WDFY4: variants seen among roughly 807,000 people sequenced by gnomAD.
The protein encoded by WDFY4 is WD repeat- and FYVE domain-containing protein 4.
WDFY4 carries 169 observed loss-of-function variants against 351.9 expected under a neutral mutation model. That is an observed-to-expected ratio of 0.48 (90% CI 0.42 to 0.55). WDFY4 has a LOEUF of 0.55. Ranked by LOEUF, WDFY4 falls within the 20% of genes least tolerant of loss-of-function variation. The probability of loss-of-function intolerance (pLI) is 0.00; values close to 1 mark genes in which losing one functional copy is unlikely to be tolerated. For missense variants in WDFY4, 3,803 were observed against 3,935.6 expected (o/e 0.97, Z 0.90); for synonymous variants, 1,622 against 1,574.6 (o/e 1.03, Z -0.71).
At chr10:48,698,941 A>G (rs1392281964) in intron 1 of WDFY4, among the ~76,000 whole-genome samples, 1 of 152,214 alleles carries the variant, frequency 6.6e-6, no homozygotes, top group African/African-American at 2.4e-5. Flanking sequence ...GGTTGCCGTG[A>G]GTCCGAAATC....
intron 48 of WDFY4, among the ~76,000 whole-genome samples, chr10:48,942,742 A>G (rs1840844605): frequency 6.6e-6 from 1 of 152,198 alleles, no homozygotes; most frequent in South Asian, 2.1e-4. Context: ...GCTGTGTTGG[A>G]TTGCTCACTC....
At chr10:48,763,031 TG>T (rs2065558032) in intron 13 of WDFY4, among the ~76,000 whole-genome samples, 1 of 152,244 alleles carries the variant, frequency 6.6e-6, no homozygotes, top group Non-Finnish European at 1.5e-5. Context: ...TAAAAACATT[TG>T]ACCCCTAAAT....
chr10:48,945,921 G>C (rs2133778124), intron 49 of WDFY4, 119 bp from the exon 50 acceptor site: 1 of 634,266 alleles, frequency 1.6e-6, no homozygotes, highest in Non-Finnish European at 2.6e-6. Context: ...CTAACCACCA[G>C]AGGCAGGTCA....
At chr10:48,747,843 A>G (rs910413948) in intron 12 of WDFY4, among the ~76,000 whole-genome samples, 6 of 152,090 alleles carry the variant, frequency 3.9e-5, no homozygotes, top group African/African-American at 1.4e-4. Flanking sequence ...GGTCCCTTGT[A>G]TGATGTCTGA....
At chr10:48,756,207 G>T (rs147032478) in intron 12 of WDFY4, among the ~76,000 whole-genome samples, 2 of 151,976 alleles carry the variant, frequency 1.3e-5, no homozygotes, top group Admixed American at 6.6e-5. Flanking sequence ...TTTCATCAAA[G>T]TCTGTCATAT....
At chr10:48,816,999 T>C (rs966069262) in intron 31 of WDFY4, among the ~76,000 whole-genome samples, 1 of 152,178 alleles carries the variant, frequency 6.6e-6, no homozygotes, top group African/African-American at 2.4e-5. Context: ...GGGGTAAACA[T>C]AGAACCTACT....
At chr10:48,961,758 T>C (rs1002176749) in intron 53 of WDFY4, among the ~76,000 whole-genome samples, 1 of 152,160 alleles carries the variant, frequency 6.6e-6, no homozygotes, top group African/African-American at 2.4e-5. Flanking sequence ...GAGAAGTTGT[T>C]GGAAGACAGC....
chr10:48,866,831 A>C (rs535467563), intron 39 of WDFY4, among the ~76,000 whole-genome samples: 1 of 152,342 alleles, frequency 6.6e-6, no homozygotes, highest in African/African-American at 2.4e-5. Context: ...TTTGACCAAC[A>C]AATTCTGTAA....
chr10:48,761,342 A>G (rs569343715), intron 13 of WDFY4, among the ~76,000 whole-genome samples: 2 of 152,292 alleles, frequency 1.3e-5, no homozygotes, highest in Admixed American at 1.3e-4. Context: ...TTTTGCGTGA[A>G]AAACATTACA....
At chr10:48,886,605 T>G (rs2070465934) in intron 43 of WDFY4, among the ~76,000 whole-genome samples, 1 of 152,204 alleles carries the variant, frequency 6.6e-6, no homozygotes, top group South Asian at 2.1e-4. Context: ...TGACCCTCAC[T>G]AGATGCCAGT....
chr10:48,798,895 G>T (rs895818156), intron 24 of WDFY4, among the ~76,000 whole-genome samples: 7 of 152,222 alleles, frequency 4.6e-5, no homozygotes, highest in African/African-American at 1.7e-4. Context: ...ATCTGAAGCT[G>T]GAAAAGAGGA....
intron 1 of WDFY4, among the ~76,000 whole-genome samples, chr10:48,705,228 G>T (rs2063594877): frequency 6.6e-6 from 1 of 152,208 alleles, no homozygotes; most frequent in Admixed American, 6.5e-5. Context: ...GGAAGCACAG[G>T]TTTGGATCCT....
chr10:48,789,692 C>A (rs2066613564), intron 21 of WDFY4, among the ~76,000 whole-genome samples, 182 bp from the exon 22 acceptor site: 2 of 152,228 alleles, frequency 1.3e-5, no homozygotes, highest in African/African-American at 4.8e-5. Context: ...AGACAGAATG[C>A]ATGAGCCTGA....
chr10:48,916,417 C>A (rs902522366), intron 47 of WDFY4, among the ~76,000 whole-genome samples: 1 of 152,124 alleles, frequency 6.6e-6, no homozygotes, highest in African/African-American at 2.4e-5. Context: ...CTGTCTCATC[C>A]CAGGCCACCC....
At chr10:48,733,819 A>G (rs575278633) in intron 9 of WDFY4, 112 bp from the exon 10 acceptor site, 7 of 937,476 alleles carry the variant, frequency 7.5e-6, no homozygotes, top group Non-Finnish European at 1.1e-5. Flanking sequence ...CTCCCTTATG[A>G]TGAAAGCATT....
At chr10:48,825,152 C>T (rs1268711136) in intron 35 of WDFY4, among the ~76,000 whole-genome samples, 1 of 152,170 alleles carries the variant, frequency 6.6e-6, no homozygotes. Context: ...TGTTGTTCCT[C>T]TCCCTGTATC....
Position 48,982,912 on chromosome 10 carries a change from A to G in WDFY4, c.*337A>G, listed in dbSNP as rs1842866359. On this transcript the variant is annotated 3_prime_UTR_variant, in exon 62 of 62. Coordinates refer to ENST00000325239, the MANE Select transcript of WDFY4 (RefSeq NM_001394531.1). ...AAAGATGGGTCGCTTACTGGAAATT[A>G]TTGTATTGTCTTTATTTTATTAAAG... is the stretch of plus-strand genomic sequence containing the variant. The G allele has an allele frequency of 2.7e-6, 1 of 374,628 alleles. No individual in the cohort carries two copies. Among genetic ancestry groups the G allele is most frequent in the Admixed American group, 3.6e-5 (1 of 27,528 alleles). 23.2% of individuals were successfully genotyped at this position (374,628 alleles called of 1,614,324 possible). A position where few individuals can be genotyped will look rare whatever the true frequency, so the allele number is the denominator to read the frequency against.
At chr10:48,747,440 C>T (rs902837692) in intron 12 of WDFY4, among the ~76,000 whole-genome samples, 2 of 152,022 alleles carry the variant, frequency 1.3e-5, no homozygotes. Context: ...CTTCTCCATC[C>T]CTTTTCCTAT....
At chr10:48,745,569 T>C (rs899436120) in intron 12 of WDFY4, 15 of 477,830 alleles carry the variant, frequency 3.1e-5, no homozygotes, top group Non-Finnish European at 5.6e-5. Context: ...CCTCTGTGTA[T>C]TTGTCAGTTT....
Sources: gnomAD v4.1 joint callset for allele counts (sites outside exome capture counted in the v4.1 genomes callset) on GRCh38, gnomAD v4.1.1 for gene constraint, MANE v1.5 for transcripts, NCBI Gene and HGNC (gene_info 2026-07-23, HGNC 2026-07-21) for gene names.